DNAJC21: variants seen among roughly 807,000 people sequenced by gnomAD.
The protein encoded by DNAJC21 is DnaJ heat shock protein family (Hsp40) member C21.
Under a neutral mutation model 72.4 loss-of-function variants are expected in DNAJC21, and 63 were observed. That is an observed-to-expected ratio of 0.87 (90% CI 0.71 to 1.07). DNAJC21 has a LOEUF of 1.07. DNAJC21 is among the 50% of genes least tolerant of loss of function. The pLI is 0.00. For missense variants in DNAJC21, 634 were observed against 644.8 expected (o/e 0.98, Z 0.18); for synonymous variants, 203 against 216.7 (o/e 0.94, Z 0.56).
At chr5:34,943,394 C>T (rs1037971339) in intron 7 of DNAJC21, among the ~76,000 whole-genome samples, 1 of 152,122 alleles carries the variant, frequency 6.6e-6, no homozygotes, top group African/African-American at 2.4e-5. Flanking sequence ...GGAGGGACGC[C>T]GCACAAGCAT....
At chr5:34,941,560 CTTTTTTTTT>C (rs765889955) in intron 7 of DNAJC21, among the ~76,000 whole-genome samples, 9 of 76,108 alleles carry the variant, frequency 1.2e-4, no homozygotes, top group Non-Finnish European at 1.9e-4. Context: ...CTTGTGTTTT[CTTTTTTTTT>C]TTTTTTTTTT....
At chr5:34,951,064 G>A (rs1765349133) in intron 10 of DNAJC21, 7 of 985,412 alleles carry the variant, frequency 7.1e-6, no homozygotes, top group Non-Finnish European at 8.4e-6. Context: ...GCTAACACTG[G>A]AGCAACAGTG....
chr5:34,942,436 G>C (rs1765025473), intron 7 of DNAJC21, among the ~76,000 whole-genome samples: 1 of 152,200 alleles, frequency 6.6e-6, no homozygotes, highest in Admixed American at 6.5e-5. Context: ...GAATGGCGCT[G>C]TGAGAGTCAT....
At chr5:34,940,181 G>A (rs1329180793) in intron 6 of DNAJC21, among the ~76,000 whole-genome samples, 1 of 152,140 alleles carries the variant, frequency 6.6e-6, no homozygotes, top group Non-Finnish European at 1.5e-5. Context: ...ATGTGCCTGA[G>A]AATGTATGAC....
rs1765606659 is a variant in DNAJC21, at chr5:34,958,878, A to G, written c.*4164A>G. ...AAAATAAGAAGAATGACTATTTTTCAAAACAAAAAATGAGAAGAGTGGTAT... is the reference window on the plus strand; with the variant it reads ...AAAATAAGAAGAATGACTATTTTTCGAAACAAAAAATGAGAAGAGTGGTAT... On this transcript the variant is annotated 3_prime_UTR_variant, in exon 12 of 12. Transcript: ENST00000648817. 6.6e-6 allele frequency: 1 copy of G among 152,210 alleles called. No individual in the cohort carries two copies. The highest frequency in any genetic ancestry group is 1.5e-5 in the Non-Finnish European group (1 of 68,010). 9.4% of individuals were successfully genotyped at this position (152,210 alleles called of 1,614,324 possible).
rs1416321878 is a variant in DNAJC21 at position 34,950,358 on chromosome 5, A to C, written c.1358+16A>C. On this transcript the variant is annotated intron_variant, in intron 10 of 11. Coordinates refer to ENST00000648817, the MANE Select transcript of DNAJC21 (RefSeq NM_001012339.3). ...AAGCTAAAAGGTAAGTCAAAGTTGC[A>C]TATTATTTGTAAATTACTGAATATT... 3 of 1,602,118 alleles carry C rather than the reference A, an allele frequency of 1.9e-6. No individual in the cohort carries two copies. The highest frequency in any genetic ancestry group is 1.7e-5 in the Admixed American group (1 of 57,590).
At position 34,936,127 on chromosome 5, in the gene DNAJC21, T is replaced by C. The variant is rs766109590; in HGVS notation, c.316-17T>C. 1 of 1,597,446 alleles carries C rather than the reference T, an allele frequency of 6.3e-7. No homozygotes were observed. Among genetic ancestry groups the C allele is most frequent in the South Asian group, 1.2e-5 (1 of 86,860 alleles). The stretch of plus-strand genomic sequence containing the variant: ...CTGCAAAAGTATTAAGAATTTGTTT[T>C]TGTTACTGTTTTTTAGGGATTTTAC... On this transcript the variant is annotated splice_polypyrimidine_tract_variant and intron_variant, in intron 3 of 11. Transcript: ENST00000648817.
At chr5:34,930,128 C>T in intron 1 of DNAJC21, 1 of 370,528 alleles carries the variant, frequency 2.7e-6, no homozygotes, top group Non-Finnish European at 5.0e-6. Context: ...CACCCCATCT[C>T]CTCATACCCG....
At chr5:34,953,729 A>G in intron 10 of DNAJC21, 197 bp from the exon 11 acceptor site, 1 of 443,766 alleles carries the variant, frequency 2.3e-6, no homozygotes, top group East Asian at 3.7e-5. Context: ...GCCAAATTTG[A>G]TATTCAATTT....
At position 34,938,875 on chromosome 5, in the gene DNAJC21, G is replaced by A. The variant is rs903587196; in HGVS notation, c.761G>A (p.Arg254Lys). ...GTGTCTAGACTGGTGGAGCAGTACA[G>A]AGAACAGAGCTGGATGACTATGGCC... ...LKQAKLVEQY[R>K]EQSWMTMANL... is the part of the protein sequence containing the mutation. Residue 254 changes from arginine (R) to lysine (K), a missense_variant, in exon 6 of 12, where the codon AGA becomes AAA. By Grantham distance (26) the Arg-to-Lys change is conservative (BLOSUM62 2). Transcript: ENST00000648817. 1.7e-5 allele frequency: 27 copies of A among 1,613,884 alleles called. No individual in the cohort carries two copies. The highest frequency in any genetic ancestry group is 2.7e-5 in the African/African-American group (2 of 74,906).
chr5:34,932,033 C>G (rs987073505), intron 1 of DNAJC21, among the ~76,000 whole-genome samples: 3 of 152,190 alleles, frequency 2.0e-5, no homozygotes, highest in Non-Finnish European at 2.9e-5. Context: ...GAGCCATGTT[C>G]TAGGGCGGCA....
chr5:34,938,711 G>A, intron 5 of DNAJC21, 147 bp from the exon 6 acceptor site: 3 of 831,040 alleles, frequency 3.6e-6, no homozygotes, highest in Non-Finnish European at 4.9e-6. Context: ...CTTTGCCTTG[G>A]TTTTAACTAA....
chr5:34,947,286 A>C (rs1441887650), intron 9 of DNAJC21, among the ~76,000 whole-genome samples: 1 of 152,222 alleles, frequency 6.6e-6, no homozygotes, highest in Non-Finnish European at 1.5e-5. Flanking sequence ...ATACCTTCCA[A>C]GGGATATAGT....
Position 34,950,206 on chromosome 5 carries a change from G to A in DNAJC21, c.1222G>A (p.Glu408Lys), listed in dbSNP as rs1475138305. The change falls in exon 10 of 12, where the codon GAA becomes AAA. Residue 408 changes from glutamate (E) to lysine (K), a missense_variant. Transcript: ENST00000648817. ...CAATTTCAATGTAAATGGACCTGGAGAAGGAGTAAAGGTTGATCCAGAAGA... is the reference window on the plus strand; with the variant it reads ...CAATTTCAATGTAAATGGACCTGGAAAAGGAGTAAAGGTTGATCCAGAAGA... Reference protein sequence around the residue: ...DDNFNVNGPGEGVKVDPEDTN... With the variant: ...DDNFNVNGPGKGVKVDPEDTN... 6.2e-7 allele frequency: 1 copy of A among 1,610,626 alleles called. No homozygotes were observed. The highest frequency in any genetic ancestry group is 8.5e-7 in the Non-Finnish European group (1 of 1,178,980).
intron 10 of DNAJC21, chr5:34,952,008 C>G: frequency 1.0e-6 from 1 of 985,426 alleles, no homozygotes. Context: ...CCAGCACCCT[C>G]CCCACACCAC....
intron 7 of DNAJC21, among the ~76,000 whole-genome samples, chr5:34,943,664 T>C (rs1186936469): frequency 6.6e-6 from 1 of 152,210 alleles, no homozygotes; most frequent in Non-Finnish European, 1.5e-5. Flanking sequence ...CTGTTGATGG[T>C]TTTAGCTTGC....
In DNAJC21 at chr5:34,939,025, T is replaced by A. The variant is rs1561184531; in HGVS notation, c.895+16T>A. The A allele has an allele frequency of 1.3e-6, 2 of 1,506,034 alleles. No homozygotes were observed. The highest frequency in any genetic ancestry group is 2.5e-5 in the East Asian group (1 of 39,892). 93.3% of individuals were successfully genotyped at this position (1,506,034 alleles called of 1,614,324 possible). A position where few individuals can be genotyped will look rare whatever the true frequency, so the allele number is the denominator to read the frequency against. On this transcript the variant is annotated intron_variant, in intron 6 of 11. Coordinates refer to ENST00000648817, the MANE Select transcript of DNAJC21 (RefSeq NM_001012339.3). ...GAGGAGGATGGTAATATTATTTTTA[T>A]TTTATTTATCTTTTTTGTTTTTTAA...
At chr5:34,940,917 G>A (rs1462332733) in intron 6 of DNAJC21, among the ~76,000 whole-genome samples, 179 bp from the exon 7 acceptor site, 1 of 152,110 alleles carries the variant, frequency 6.6e-6, no homozygotes, top group Admixed American at 6.5e-5. Context: ...GAAAGTTAAG[G>A]TGCTTTATTT....
At chr5:34,944,719 A>G in intron 7 of DNAJC21, 148 bp from the exon 8 acceptor site, 1 of 1,064,806 alleles carries the variant, frequency 9.4e-7, no homozygotes, top group South Asian at 1.5e-5. Flanking sequence ...ATGAACAAAT[A>G]AAAAAAAAGA....
Sources: gnomAD v4.1 joint callset for allele counts (sites outside exome capture counted in the v4.1 genomes callset) on GRCh38, gnomAD v4.1.1 for gene constraint, MANE v1.5 for transcripts, NCBI Gene and HGNC (gene_info 2026-07-23, HGNC 2026-07-21) for gene names.